The following RPS6KA2 variants were observed in gnomAD, a reference collection of about 807,000 sequenced individuals.
RPS6KA2 encodes ribosomal protein S6 kinase A2.
In RPS6KA2, 42 loss-of-function variants were observed where a neutral mutation model predicts 91.8. That is an observed-to-expected ratio of 0.46 (90% confidence interval 0.36 to 0.59). The LOEUF (loss-of-function observed/expected upper bound fraction) is 0.59. Among genes scored for constraint, RPS6KA2 ranks in the 20% least tolerant of loss-of-function variants. The pLI is 0.00. For missense variants in RPS6KA2, 798 were observed against 978.5 expected (o/e 0.82, Z 2.46); for synonymous variants, 414 against 393.6 (o/e 1.05, Z -0.61).
chr6:166,720,829 C>T (rs4710087), intron 2 of RPS6KA2, among the ~76,000 whole-genome samples: 130,449 of 152,126 alleles, frequency 0.86, 56,187 homozygotes, highest in East Asian at 0.96. Flanking sequence ...TTGTGCAGAG[C>T]AGCAAGGCCG....
rs1448261268 is a variant in RPS6KA2, at chr6:166,557,980, G to C, written c.100-19196C>G. On this transcript the variant is annotated intron_variant, in intron 1 of 20. Transcript: ENST00000265678. The surrounding 1 kb of genome is among the most constrained non-coding windows in gnomAD (Gnocchi z 4.8). ...TGTATATGTATATACAGAGGGGTGT[G>C]TGTGTGTGTGTATATATGTATGTGT... is the stretch of plus-strand genomic sequence containing the variant. 6.6e-6 allele frequency among the ~76,000 whole-genome samples: 1 copy of C among 151,146 alleles called. No individual in the cohort carries two copies. Among genetic ancestry groups the C allele is most frequent in the African/African-American group, 2.5e-5 (1 of 40,526 alleles).
intron 1 of RPS6KA2, among the ~76,000 whole-genome samples, chr6:166,555,647 C>T (rs376751731): frequency 6.6e-6 from 1 of 152,218 alleles, no homozygotes; most frequent in Non-Finnish European, 1.5e-5. Flanking sequence ...CCCAGTATCT[C>T]GGTGTACTGA....
chr6:166,592,093 T>C (rs1196905972), intron 1 of RPS6KA2, among the ~76,000 whole-genome samples: 1 of 152,204 alleles, frequency 6.6e-6, no homozygotes, highest in Non-Finnish European at 1.5e-5. Flanking sequence ...TCCTGAAAAG[T>C]GGGCAAGAGA....
At chr6:166,509,146 C>T (rs1307714687) in intron 4 of RPS6KA2, among the ~76,000 whole-genome samples, 2 of 152,230 alleles carry the variant, frequency 1.3e-5, no homozygotes, top group Non-Finnish European at 2.9e-5. Flanking sequence ...AACATAGCCC[C>T]CAGCTAGAAA....
intron 2 of RPS6KA2, among the ~76,000 whole-genome samples, chr6:166,649,737 G>GA (rs1438240450): frequency 6.6e-6 from 1 of 152,192 alleles, no homozygotes; most frequent in Non-Finnish European, 1.5e-5. Flanking sequence ...GTGAGCTGAA[G>GA]AAAAACCAGA....
chr6:166,430,737 G>A (rs1297761845), intron 15 of RPS6KA2, 126 bp from the exon 16 acceptor site: 19 of 895,046 alleles, frequency 2.1e-5, no homozygotes, highest in Non-Finnish European at 3.0e-5. Context: ...CTATGGGAGT[G>A]CAAACAAGGC....
intron 1 of RPS6KA2, among the ~76,000 whole-genome samples, chr6:166,571,789 G>C (rs955813674): frequency 6.6e-6 from 1 of 152,108 alleles, no homozygotes; most frequent in Non-Finnish European, 1.5e-5. Flanking sequence ...TGTGAGCGCA[G>C]CTTGAACGGC....
chr6:166,522,608 C>T (rs910406086), intron 3 of RPS6KA2, among the ~76,000 whole-genome samples: 5 of 152,218 alleles, frequency 3.3e-5, no homozygotes, highest in African/African-American at 4.8e-5. Context: ...CCCCACTGCG[C>T]GGCCATTGCC....
At chr6:166,552,498 G>A (rs147954637) in intron 1 of RPS6KA2, among the ~76,000 whole-genome samples, 151 of 152,240 alleles carry the variant, frequency 9.9e-4, no homozygotes, top group African/African-American at 3.3e-3. Flanking sequence ...CAATATATAA[G>A]TGTTCAAGAT....
In RPS6KA2 at chr6:166,848,116, T is replaced by A. The variant is rs191077766; in HGVS notation, c.123+10084A>T. 1.2e-4 allele frequency among the ~76,000 whole-genome samples: 18 copies of A among 152,142 alleles called. No homozygotes were observed. The East Asian group carries it at 3.5e-3, about 29-fold the overall frequency. ...GGCTAAGAACATGGATAGACAATTCTCAAAAGAAGATATACAAATGGCCAA... is the reference window on the plus strand; with the variant it reads ...GGCTAAGAACATGGATAGACAATTCACAAAAGAAGATATACAAATGGCCAA... On this transcript the variant is annotated intron_variant, in intron 2 of 21. Coordinates refer to the RPS6KA2 transcript ENST00000503859.
intron 11 of RPS6KA2, among the ~76,000 whole-genome samples, chr6:166,469,126 C>T (rs966231943): frequency 1.3e-5 from 2 of 152,158 alleles, no homozygotes; most frequent in East Asian, 1.9e-4. Flanking sequence ...GTGTGGGGGA[C>T]GCGTCAGACG....
At chr6:166,701,609 C>T in intron 2 of RPS6KA2, 1 of 1,327,788 alleles carries the variant, frequency 7.5e-7, no homozygotes, top group South Asian at 1.2e-5. Flanking sequence ...AACAGATGAA[C>T]AGTCTCGGAT....
chr6:166,797,492 CAT>C (rs1779256159), intron 2 of RPS6KA2, among the ~76,000 whole-genome samples: 1 of 152,106 alleles, frequency 6.6e-6, no homozygotes, highest in Admixed American at 6.5e-5. Context: ...CCTATTCACA[CAT>C]ATGTCATATG....
Position 166,500,483 on chromosome 6 carries a change from C to T in RPS6KA2, c.604+404G>A, listed in dbSNP as rs1034933388. On this transcript the variant is annotated intron_variant, in intron 7 of 20. Coordinates refer to ENST00000265678, the MANE Select transcript of RPS6KA2 (RefSeq NM_021135.6). The surrounding 1 kb of genome is among the most constrained non-coding windows in gnomAD (Gnocchi z 4.3). ...TGAGGGCAGCAGTGCAGGCCGCACT[C>T]CAGCGAGACTCCAGATGTCTGCCCT... Among the ~76,000 whole-genome samples, 1 of 152,164 alleles carries T rather than the reference C, an allele frequency of 6.6e-6. No individual in the cohort carries two copies. The highest frequency in any genetic ancestry group is 1.5e-5 in the Non-Finnish European group (1 of 68,030).
At chr6:166,673,029 C>T (rs560102999) in intron 2 of RPS6KA2, among the ~76,000 whole-genome samples, 4 of 152,300 alleles carry the variant, frequency 2.6e-5, no homozygotes, top group African/African-American at 9.6e-5. Flanking sequence ...AGCCCTCTCC[C>T]AGCCCTCCCC....
chr6:166,430,539 G>A lies in RPS6KA2; in HGVS notation c.1495C>T (p.Leu499Phe), dbSNP rs1779088071. The change falls in exon 16 of 21, where the codon CTC (leucine) becomes TTC (phenylalanine). Residue 499 changes from leucine to phenylalanine, a missense_variant. Coordinates refer to ENST00000265678, the MANE Select transcript of RPS6KA2 (RefSeq NM_021135.6). Reference protein sequence around the residue: ...MRGGELLDRILRQRYFSEREA... With the variant: ...MRGGELLDRIFRQRYFSEREA... The stretch of plus-strand genomic sequence containing the variant: ...CGCTCCGAGAAGTATCTCTGCCGGA[G>A]GATGCGGTCCAGGAGCTCCCCACCA... 1.9e-6 allele frequency: 3 copies of A among 1,614,082 alleles called. No homozygotes were observed. Among genetic ancestry groups the A allele is most frequent in the Non-Finnish European group, 2.5e-6 (3 of 1,180,002 alleles).
intron 1 of RPS6KA2, among the ~76,000 whole-genome samples, chr6:166,576,895 C>G (rs1268819541): frequency 6.6e-6 from 1 of 152,152 alleles, no homozygotes; most frequent in Non-Finnish European, 1.5e-5. Flanking sequence ...CATTGCAGGC[C>G]TGGAGGCCTA....
chr6:166,739,588 C>T (rs765202445), intron 2 of RPS6KA2, among the ~76,000 whole-genome samples: 1 of 152,152 alleles, frequency 6.6e-6, no homozygotes, highest in Non-Finnish European at 1.5e-5. Context: ...AGAGCGGGTA[C>T]GGAAAAGACA....
In RPS6KA2 at chr6:166,648,773, G is replaced by T. The variant is rs1232628250; in HGVS notation, c.124-109989C>A. Among the ~76,000 whole-genome samples the T allele has an allele frequency of 3.3e-5, 5 of 152,092 alleles. No individual in the cohort carries two copies. Among genetic ancestry groups the T allele is most frequent in the African/African-American group, 1.2e-4 (5 of 41,414 alleles). On this transcript the variant is annotated intron_variant, in intron 2 of 21. Coordinates refer to the RPS6KA2 transcript ENST00000503859. The surrounding 1 kb of genome is among the most constrained non-coding windows in gnomAD (Gnocchi z 4.8). ...ATCTCGTCCTGAGGTCCTGAACTTT[G>T]GGATGGCACCGACCATCTGTGACTG...
Sources: allele counts gnomAD v4.1 joint callset (sites outside exome capture counted in the v4.1 genomes callset), GRCh38; gene constraint gnomAD v4.1.1; non-coding constraint Gnocchi (gnomAD v3.1); transcripts MANE v1.5; gene names NCBI Gene and HGNC (gene_info 2026-07-23, HGNC 2026-07-21).